GPC5: variants seen among roughly 807,000 people sequenced by gnomAD.
GPC5 encodes the protein glypican 5, also known as glypican-5.
Under a neutral mutation model 53.9 loss-of-function variants are expected in GPC5, and 47 were observed. That is an observed-to-expected ratio of 0.87 (90% CI 0.69 to 1.11). GPC5 has a LOEUF of 1.11. GPC5 is among the 50% of genes most tolerant of loss of function. The pLI is 0.00. For synonymous variants in GPC5, 286 were observed against 263.3 expected, an observed-to-expected ratio of 1.09 and a Z score of -0.84; for missense variants, 748 against 713.1, an observed-to-expected ratio of 1.05 and a Z score of -0.56.
intron 2 of GPC5, among the ~76,000 whole-genome samples, chr13:91,564,612 G>A (rs1380002262): frequency 6.6e-6 from 1 of 152,138 alleles, no homozygotes; most frequent in Non-Finnish European, 1.5e-5. Context: ...ACAGCATGTG[G>A]CAGAATAAAT....
chr13:92,259,518 A>G (rs1025826561), intron 7 of GPC5, among the ~76,000 whole-genome samples: 2 of 152,186 alleles, frequency 1.3e-5, no homozygotes, highest in Non-Finnish European at 2.9e-5. Context: ...GTCAAGAGGA[A>G]AATACAGATT....
At chr13:92,293,422 C>CTTTTTT (rs748125673) in intron 7 of GPC5, among the ~76,000 whole-genome samples, 1 of 77,272 alleles carries the variant, frequency 1.3e-5, no homozygotes, top group African/African-American at 5.6e-5. Context: ...TGGTTGGTTT[C>CTTTTTT]TTTTTTTTTT....
chr13:92,349,068 A>C (rs2139264174), intron 7 of GPC5, among the ~76,000 whole-genome samples: 1 of 152,324 alleles, frequency 6.6e-6, no homozygotes, highest in African/African-American at 2.4e-5. Flanking sequence ...TTGGAGTAGA[A>C]GTTAATGAAA....
At chr13:92,856,271 G>C (rs1056223662) in intron 7 of GPC5, among the ~76,000 whole-genome samples, 2 of 151,944 alleles carry the variant, frequency 1.3e-5, no homozygotes, top group African/African-American at 4.8e-5. Flanking sequence ...TATCTCAATA[G>C]ACACAGAAAA....
intron 7 of GPC5, among the ~76,000 whole-genome samples, chr13:92,460,253 T>G (rs995975461): frequency 6.6e-6 from 1 of 152,196 alleles, no homozygotes; most frequent in Non-Finnish European, 1.5e-5. Flanking sequence ...TTTATTACAG[T>G]GTTGTTAAAA....
At chr13:92,747,984 A>G (rs1415123468) in intron 7 of GPC5, among the ~76,000 whole-genome samples, 2 of 152,196 alleles carry the variant, frequency 1.3e-5, no homozygotes, top group Non-Finnish European at 2.9e-5. Flanking sequence ...TGTACATTTA[A>G]TAACGTCAGT....
At chr13:92,760,258 T>A (rs1875107449) in intron 7 of GPC5, among the ~76,000 whole-genome samples, 1 of 152,122 alleles carries the variant, frequency 6.6e-6, no homozygotes, top group Non-Finnish European at 1.5e-5. Flanking sequence ...GAAATATTGG[T>A]ATCACTTTTC....
chr13:92,750,028 T>A (rs1481247859), intron 7 of GPC5, among the ~76,000 whole-genome samples: 1 of 152,192 alleles, frequency 6.6e-6, no homozygotes, highest in Non-Finnish European at 1.5e-5. Context: ...TTGGACTGAA[T>A]ATTTTTCCAG....
chr13:91,765,553 C>A (rs1335637009), intron 5 of GPC5, among the ~76,000 whole-genome samples: 1 of 152,210 alleles, frequency 6.6e-6, no homozygotes, highest in Non-Finnish European at 1.5e-5. Flanking sequence ...CAAGATACTG[C>A]AATAGACCTT....
At chr13:92,038,494 A>G (rs2040913918) in intron 6 of GPC5, among the ~76,000 whole-genome samples, 1 of 151,218 alleles carries the variant, frequency 6.6e-6, no homozygotes, top group Admixed American at 6.6e-5. Flanking sequence ...TTATACACCA[A>G]GTGCTTAATG....
At chr13:92,074,379 G>A (rs1257080832) in intron 6 of GPC5, among the ~76,000 whole-genome samples, 1 of 152,176 alleles carries the variant, frequency 6.6e-6, no homozygotes, top group South Asian at 2.1e-4. Context: ...TGACTTCTCT[G>A]CTCTTTGAGA....
chr13:91,436,118 T>C (rs1347868412), intron 1 of GPC5, among the ~76,000 whole-genome samples: 4 of 152,220 alleles, frequency 2.6e-5, no homozygotes, highest in Non-Finnish European at 5.9e-5. Context: ...TCAATTTTGT[T>C]GATCTTTTCA....
chr13:91,778,071 A>G lies in GPC5; in HGVS notation c.1280+21651A>G, dbSNP rs75843874. Among the ~76,000 whole-genome samples the G allele has an allele frequency of 9.5e-3, 1,416 of 149,576 alleles. 18 individuals carry two copies. Among genetic ancestry groups the G allele is most frequent in the African/African-American group, 0.033 (1,355 of 41,008 alleles). On this transcript the variant is annotated intron_variant, in intron 5 of 7. Transcript: ENST00000377067. ...GATGGCTAAAAGGATCCTTTCAAATACACACCTCTTTATAGCACAGTCCAC... is the reference window on the plus strand; with the variant it reads ...GATGGCTAAAAGGATCCTTTCAAATGCACACCTCTTTATAGCACAGTCCAC...
intron 7 of GPC5, among the ~76,000 whole-genome samples, chr13:92,628,757 C>T (rs1365907355): frequency 6.6e-6 from 1 of 151,594 alleles, no homozygotes; most frequent in Admixed American, 6.6e-5. Flanking sequence ...CGAGTTGAGA[C>T]TCTCATTGGC....
chr13:92,216,453 G>A (rs146532219), intron 7 of GPC5, among the ~76,000 whole-genome samples: 2 of 152,266 alleles, frequency 1.3e-5, no homozygotes, highest in East Asian at 3.9e-4. Flanking sequence ...TCAACACGCA[G>A]CAGGCAGTCA....
chr13:92,057,851 T>TA (rs538882402), intron 6 of GPC5, among the ~76,000 whole-genome samples: 66 of 152,312 alleles, frequency 4.3e-4, no homozygotes, highest in Admixed American at 4.2e-3. Flanking sequence ...GTACTCTTTA[T>TA]ATCTAACCTG....
chr13:92,811,701 C>T (rs1877305674), intron 7 of GPC5, among the ~76,000 whole-genome samples: 1 of 151,744 alleles, frequency 6.6e-6, no homozygotes, highest in East Asian at 1.9e-4. Flanking sequence ...AGAAGATATT[C>T]CCCTATATTT....
Position 91,399,194 on chromosome 13 carries a change from G to C in GPC5, c.148G>C (p.Asp50His), listed in dbSNP as rs1227217338. ...GCTGGGAGCTGTCAGGGGGCTGCCG[G>C]ATTCGCCGCGGGCAGGTAAGGGGCA... is the stretch of plus-strand genomic sequence containing the variant. ...RLLGAVRGLP[D>H]SPRAGPDLQV... Residue 50 changes from aspartate (D) to histidine (H), a missense_variant, in exon 1 of 8, where the codon GAT becomes CAT. Transcript: ENST00000377067. 6.2e-7 allele frequency: 1 copy of C among 1,612,328 alleles called. No homozygotes were observed. The highest frequency in any genetic ancestry group is 1.1e-5 in the South Asian group (1 of 90,982).
chr13:92,611,691 A>G (rs947459461), intron 7 of GPC5, among the ~76,000 whole-genome samples: 1 of 152,138 alleles, frequency 6.6e-6, no homozygotes, highest in African/African-American at 2.4e-5. Context: ...ACACTTATTT[A>G]ATGAATTTTG....
Sources: allele counts gnomAD v4.1 joint callset (sites outside exome capture counted in the v4.1 genomes callset), GRCh38; gene constraint gnomAD v4.1.1; transcripts MANE v1.5; gene names NCBI Gene and HGNC (gene_info 2026-07-23, HGNC 2026-07-21).